The following MYO16 variants were observed in gnomAD, a reference collection of about 807,000 sequenced individuals.
MYO16 encodes the protein myosin XVI.
In MYO16, 94 loss-of-function variants were observed where a neutral mutation model predicts 205.3. The observed-to-expected ratio is 0.46, with a 90% CI of 0.39 to 0.54. The LOEUF (loss-of-function observed/expected upper bound fraction) is 0.54. Ranked by LOEUF, MYO16 falls within the 20% of genes least tolerant of loss-of-function variation. The pLI is 0.00. For missense variants in MYO16, 2,315 were observed against 2,387.5 expected, an observed-to-expected ratio of 0.97 and a Z score of 0.63; for synonymous variants, 988 against 954.0, an observed-to-expected ratio of 1.04 and a Z score of -0.66.
intron 23 of MYO16, among the ~76,000 whole-genome samples, chr13:109,023,643 AAATATATGTATATATGTATATATG>A (rs1886213804): frequency 7.8e-6 from 1 of 128,304 alleles, no homozygotes; most frequent in African/African-American, 2.9e-5. Flanking sequence ...ATATATATAC[AAATATATGTATATATGTATATATG>A]CAAATATATG....
chr13:108,831,423 A>G (rs979294276), intron 9 of MYO16, among the ~76,000 whole-genome samples: 2 of 152,224 alleles, frequency 1.3e-5, no homozygotes, highest in Non-Finnish European at 2.9e-5. Flanking sequence ...TCTGGTAAGC[A>G]TCATTGTTTC....
chr13:109,084,225 T>C (rs1265408628), intron 27 of MYO16, among the ~76,000 whole-genome samples: 2 of 152,188 alleles, frequency 1.3e-5, no homozygotes, highest in African/African-American at 2.4e-5. Context: ...ATAACAATCA[T>C]GTAGGGTGCA....
At position 108,880,998 on chromosome 13, in the gene MYO16, G is replaced by A. The variant is rs1485098788; in HGVS notation, c.1426-2061G>A. Among the ~76,000 whole-genome samples the A allele has an allele frequency of 2.0e-5, 3 of 152,168 alleles. No homozygotes were observed. In the South Asian group the frequency reaches 6.2e-4, roughly 31 times the overall value. ...AACGGACAGACTGACTCCCCAAGTG[G>A]GTCCCTGACCCCTGAGTAGCCTAAT... On this transcript the variant is annotated intron_variant, in intron 12 of 34. Coordinates refer to ENST00000457511, the MANE Select transcript of MYO16 (RefSeq NM_001198950.3).
chr13:108,998,809 G>T (rs776985228), intron 21 of MYO16, among the ~76,000 whole-genome samples: 10 of 152,166 alleles, frequency 6.6e-5, no homozygotes, highest in Non-Finnish European at 1.3e-4. Context: ...CTCCACGTTG[G>T]TCTCTCCATG....
chr13:109,183,657 T>C (rs2139925993), intron 34 of MYO16, among the ~76,000 whole-genome samples: 1 of 152,374 alleles, frequency 6.6e-6, no homozygotes, highest in African/African-American at 2.4e-5. Context: ...ATTTTCATTA[T>C]GGGCATTTAT....
intron 1 of MYO16, among the ~76,000 whole-genome samples, chr13:108,640,816 G>C (rs1422752353): frequency 6.6e-6 from 1 of 152,142 alleles, no homozygotes; most frequent in African/African-American, 2.4e-5. Context: ...AGACAGGTTT[G>C]GTTGAGGTTT....
chr13:109,016,787 C>T (rs1190530024), intron 22 of MYO16, among the ~76,000 whole-genome samples: 3 of 151,240 alleles, frequency 2.0e-5, no homozygotes, highest in Non-Finnish European at 4.4e-5. Flanking sequence ...GCAAATGCTG[C>T]TTTTTTTGTT....
chr13:108,846,424 C>T (rs574216114), intron 10 of MYO16, among the ~76,000 whole-genome samples: 123 of 152,010 alleles, frequency 8.1e-4, no homozygotes, highest in African/African-American at 2.7e-3. Flanking sequence ...TATATAAACC[C>T]ATTACTGCTC....
In MYO16 at chr13:108,668,945, A is replaced by T. The variant is rs560714735; in HGVS notation, c.292+2796A>T. ...AACATCAAGCTTTTGGGGCCTTGAC[A>T]ACTAGAAGAATGAAATGCCATTAGC... On this transcript the variant is annotated intron_variant, in intron 2 of 34. Coordinates refer to ENST00000457511, the MANE Select transcript of MYO16 (RefSeq NM_001198950.3). Among the ~76,000 whole-genome samples the T allele has an allele frequency of 3.9e-5, 6 of 152,194 alleles. No individual in the cohort carries two copies. In the South Asian group the frequency reaches 1.2e-3, roughly 32 times the overall value.
chr13:108,808,105 T>G (rs1314841217), intron 7 of MYO16, among the ~76,000 whole-genome samples: 1 of 152,058 alleles, frequency 6.6e-6, no homozygotes, highest in Non-Finnish European at 1.5e-5. Context: ...AGATTCTGAT[T>G]AGAATCCAAA....
At chr13:109,024,332 G>A (rs540843785) in intron 23 of MYO16, among the ~76,000 whole-genome samples, 1 of 152,070 alleles carries the variant, frequency 6.6e-6, no homozygotes, top group Non-Finnish European at 1.5e-5. Context: ...GGAAGTGACT[G>A]TAAGCGGATA....
At chr13:108,937,774 C>A (rs926902125) in intron 16 of MYO16, among the ~76,000 whole-genome samples, 2 of 152,118 alleles carry the variant, frequency 1.3e-5, no homozygotes, top group African/African-American at 4.8e-5. Context: ...TCTCTTCTTT[C>A]ATTTCCTTGA....
At chr13:108,587,921 T>TACATGAAGCACTTAGATCCTTTTCTCCAA in the MYO16 span, among the ~76,000 whole-genome samples, 4,006 of 152,172 alleles carry the variant, frequency 0.026, 171 homozygotes, top group African/African-American at 0.09. Flanking sequence ...ATATAGCCAT[T>TACATGAAGCACTTAGATCCTTTTCTCCAA]ACATGAAGCA....
In MYO16 at chr13:109,140,415, C is replaced by A. The variant is rs1318475403; in HGVS notation, c.4203C>A (p.Ala1401=). 1.3e-6 allele frequency: 2 copies of A among 1,577,778 alleles called. No individual in the cohort carries two copies. The highest frequency in any genetic ancestry group is 2.7e-5 in the African/African-American group (2 of 72,982). ...CCGGGGACGCGAGGCCCGCGGGCGC[C>A]CCGGGGGCAGCAGCGCGCGTTCTGA... ...SRPGDARPAG[A]PGAAARVLTP... The change falls in exon 32 of 35, where the codon GCC becomes GCA. Residue 1401 remains alanine, a synonymous_variant. Coordinates refer to ENST00000457511, the MANE Select transcript of MYO16 (RefSeq NM_001198950.3). The surrounding 1 kb of genome is among the most constrained non-coding windows in gnomAD (Gnocchi z 8.0).
At chr13:108,961,195 A>C (rs1883566195) in intron 17 of MYO16, among the ~76,000 whole-genome samples, 1 of 152,158 alleles carries the variant, frequency 6.6e-6, no homozygotes, top group Non-Finnish European at 1.5e-5. Context: ...CTAACCTTAC[A>C]AGTGAAGCCC....
rs1880518606 is a variant in MYO16, at chr13:108,641,872, G to T, written c.28+12000G>T. ...TTCAAGTGAAATTCAGTAAATCATGGCCTGGCATACTTGGCCAGTGTGAGC... is the reference window on the plus strand; with the variant it reads ...TTCAAGTGAAATTCAGTAAATCATGTCCTGGCATACTTGGCCAGTGTGAGC... On this transcript the variant is annotated intron_variant, in intron 1 of 34. Transcript: ENST00000457511. Among the ~76,000 whole-genome samples the T allele has an allele frequency of 2.0e-5, 3 of 152,232 alleles. No individual in the cohort carries two copies. In the South Asian group the frequency reaches 6.2e-4, roughly 32 times the overall value.
rs1882682380 is a variant in MYO16, at chr13:108,940,545, T to A, written c.1926-17143T>A. On this transcript the variant is annotated intron_variant, in intron 16 of 34. Transcript: ENST00000457511. ...ATGATCTTGGGAATTCTTCAAACATTATTAGCACAATCCCATGTCTAAGGG... is the reference window on the plus strand; with the variant it reads ...ATGATCTTGGGAATTCTTCAAACATAATTAGCACAATCCCATGTCTAAGGG... 2.6e-5 allele frequency among the ~76,000 whole-genome samples: 4 copies of A among 152,180 alleles called. No homozygotes were observed. In the South Asian group the frequency reaches 8.3e-4, roughly 32 times the overall value.
intron 9 of MYO16, among the ~76,000 whole-genome samples, chr13:108,838,665 CAA>C (rs36195222): frequency 1.4e-3 from 153 of 107,454 alleles, no homozygotes; most frequent in African/African-American, 2.8e-3. Context: ...GAGACTGTCT[CAA>C]AAAAAAAAAA....
intron 28 of MYO16, among the ~76,000 whole-genome samples, chr13:109,111,756 A>G (rs1476550389): frequency 1.3e-5 from 2 of 150,604 alleles, no homozygotes; most frequent in African/African-American, 4.9e-5. Context: ...GCACAATCTC[A>G]GCTCACTGCA....
Sources: gnomAD v4.1 joint callset for allele counts (sites outside exome capture counted in the v4.1 genomes callset) on GRCh38, gnomAD v4.1.1 for gene constraint, Gnocchi (gnomAD v3.1) non-coding constraint, MANE v1.5 for transcripts, NCBI Gene and HGNC (gene_info 2026-07-23, HGNC 2026-07-21) for gene names.